CORO7: variants seen among roughly 807,000 people sequenced by gnomAD.
CORO7 encodes coronin 7.
CORO7 carries 107 observed loss-of-function variants against 126.6 expected under a neutral mutation model. The ratio of observed to expected loss-of-function variants is 0.85; its 90% confidence interval spans 0.72 to 0.99. The LOEUF is 0.99. Among genes scored for constraint, CORO7 ranks in the 50% least tolerant of loss-of-function variants. CORO7 has a pLI of 0.00. For synonymous variants in CORO7, 603 were observed against 536.8 expected, an observed-to-expected ratio of 1.12 and a Z score of -1.70; for missense variants, 1,314 against 1,255.8, an observed-to-expected ratio of 1.05 and a Z score of -0.70.
intron 9 of CORO7, among the ~76,000 whole-genome samples, chr16:4,376,336 C>CCGGGG (rs2054730019): frequency 6.6e-6 from 1 of 152,204 alleles, no homozygotes; most frequent in Non-Finnish European, 1.5e-5. Flanking sequence ...TGGCAGACTC[C>CCGGGG]CGGGGCTGGG....
rs113496899 is a variant in CORO7, at chr16:4,388,898, A to C, written c.616-267T>G. 3.3e-3 allele frequency among the ~76,000 whole-genome samples: 498 copies of C among 152,124 alleles called. 6 individuals carry two copies. The highest frequency in any genetic ancestry group is 0.011 in the African/African-American group (474 of 41,508). On this transcript the variant is annotated intron_variant, in intron 7 of 27. Transcript: ENST00000251166. ...GCTGCTCCTCCCGAGTGTCCCTCCT[A>C]CCAAGGAGAGGGCTGCCTCACTCCC... is the stretch of plus-strand genomic sequence containing the variant.
In CORO7 at chr16:4,361,265, G is replaced by C. The variant is rs2054170689; in HGVS notation, c.1688-17C>G. Reference sequence around the variant, plus strand: ...CCTCACCAGCTGCAGAGGACAGACAGGGGCTCATCATTGCTGAGCCCAAGA... The same window carrying C: ...CCTCACCAGCTGCAGAGGACAGACACGGGCTCATCATTGCTGAGCCCAAGA... On this transcript the variant is annotated splice_polypyrimidine_tract_variant and intron_variant, in intron 17 of 27. Coordinates refer to ENST00000251166, the MANE Select transcript of CORO7 (RefSeq NM_024535.5). 4.3e-6 allele frequency: 7 copies of C among 1,612,246 alleles called. No individual in the cohort carries two copies. In the East Asian group the frequency reaches 1.3e-4, roughly 31 times the overall value.
At chr16:4,357,913 T>TCC in intron 25 of CORO7, 55 bp downstream of exon 25, 2 of 1,557,762 alleles carry the variant, frequency 1.3e-6, no homozygotes, top group Non-Finnish European at 1.7e-6. Context: ...GGGCCTTCTG[T>TCC]CCCTTTCTCC....
chr16:4,405,655 G>T, intron 5 of CORO7, 88 bp from the exon 6 acceptor site: 1 of 1,497,572 alleles, frequency 6.7e-7, no homozygotes, highest in Non-Finnish European at 9.0e-7. Context: ...GGAACTCCCA[G>T]AGCAAAGGCA....
intron 26 of CORO7, chr16:4,355,578 C>G (rs937699914): frequency 3.5e-6 from 2 of 565,990 alleles, no homozygotes; most frequent in Non-Finnish European, 6.2e-6. Flanking sequence ...ACACCACTGT[C>G]CTGCCTCAGC....
intron 1 of CORO7, among the ~76,000 whole-genome samples, chr16:4,415,401 CCCCCT>C (rs1452707012): frequency 6.6e-6 from 1 of 152,140 alleles, no homozygotes; most frequent in Non-Finnish European, 1.5e-5. Context: ...CTGAGACTGG[CCCCCT>C]CCATTCTCCA....
intron 9 of CORO7, chr16:4,382,232 G>T (rs765567874): frequency 6.2e-7 from 1 of 1,606,638 alleles, no homozygotes; most frequent in Non-Finnish European, 8.5e-7. Flanking sequence ...ACACGGCCCA[G>T]CCCTACACCA....
intron 9 of CORO7, among the ~76,000 whole-genome samples, chr16:4,374,388 G>A (rs1022649016): frequency 4.6e-5 from 7 of 152,126 alleles, no homozygotes; most frequent in South Asian, 2.1e-4. Context: ...AGGCCACCTC[G>A]GTTTTGGGCA....
At chr16:4,387,785 C>T (rs556611047) in intron 9 of CORO7, 38 of 641,002 alleles carry the variant, frequency 5.9e-5, no homozygotes, top group Non-Finnish European at 9.4e-5. Context: ...AGAGGGGCAC[C>T]TGAGCACCTG....
rs775547128 is a variant in CORO7, at chr16:4,387,975, G to A, written c.785+11C>T. Reference sequence around the variant, plus strand: ...CAGCCCCCCAGCCCACCTGCGTGCCGCAGCTCCTACCCAAGCGAGGTGTCC... The same window carrying A: ...CAGCCCCCCAGCCCACCTGCGTGCCACAGCTCCTACCCAAGCGAGGTGTCC... On this transcript the variant is annotated intron_variant, in intron 9 of 27. Coordinates refer to ENST00000251166, the MANE Select transcript of CORO7 (RefSeq NM_024535.5). 8.7e-6 allele frequency: 14 copies of A among 1,612,602 alleles called. No homozygotes were observed. Among genetic ancestry groups the A allele is most frequent in the Middle Eastern group, 1.7e-4 (1 of 6,058 alleles).
chr16:4,364,216 A>T (rs1405009094), intron 14 of CORO7, 60 bp downstream of exon 14: 7 of 1,456,740 alleles, frequency 4.8e-6, no homozygotes, highest in Non-Finnish European at 6.3e-6. Flanking sequence ...CAGCCGGTGA[A>T]CACTCAGGGC....
intron 7 of CORO7, 132 bp from the exon 8 acceptor site, chr16:4,388,763 G>T: frequency 1.0e-6 from 1 of 993,040 alleles, no homozygotes; most frequent in Non-Finnish European, 1.5e-6. Context: ...GGAAGGGCTG[G>T]GTCCTTCTCC....
chr16:4,369,818 GAGTT>G (rs2054464380), intron 9 of CORO7, among the ~76,000 whole-genome samples: 1 of 152,174 alleles, frequency 6.6e-6, no homozygotes, highest in Non-Finnish European at 1.5e-5. Flanking sequence ...CCAGGCTGGA[GAGTT>G]AGTTAGGATC....
chr16:4,368,449 G>T (rs1389562727), intron 9 of CORO7, among the ~76,000 whole-genome samples: 1 of 151,658 alleles, frequency 6.6e-6, no homozygotes, highest in East Asian at 2.0e-4. Flanking sequence ...GGAGTTTGAG[G>T]CTGCAGTGAG....
At chr16:4,406,297 G>A (rs750810639) in intron 5 of CORO7, among the ~76,000 whole-genome samples, 14 of 151,420 alleles carry the variant, frequency 9.2e-5, no homozygotes, top group Non-Finnish European at 1.5e-4. Context: ...ACCGTGCCCG[G>A]CCTATTATTA....
chr16:4,369,880 C>T (rs2054467560), intron 9 of CORO7, among the ~76,000 whole-genome samples: 1 of 152,070 alleles, frequency 6.6e-6, no homozygotes, highest in Non-Finnish European at 1.5e-5. Context: ...CCGCTGTGTG[C>T]AGACTGCTGG....
chr16:4,396,224 C>G (rs1052599845), intron 6 of CORO7, among the ~76,000 whole-genome samples: 3 of 152,092 alleles, frequency 2.0e-5, no homozygotes, highest in Non-Finnish European at 4.4e-5. Flanking sequence ...GGATTACAGG[C>G]GCCCACCACC....
At chr16:4,381,963 G>C (rs1271102855) in intron 9 of CORO7, 4 of 1,608,438 alleles carry the variant, frequency 2.5e-6, no homozygotes, top group Non-Finnish European at 3.4e-6. Flanking sequence ...CCACCACGAG[G>C]CCCGTGGTGC....
At chr16:4,401,420 G>A (rs1484523946) in intron 6 of CORO7, among the ~76,000 whole-genome samples, 7 of 152,210 alleles carry the variant, frequency 4.6e-5, no homozygotes, top group Non-Finnish European at 1.0e-4. Context: ...GTTTTATGCC[G>A]CTCCTGGCAA....
Sources: gnomAD v4.1 joint callset for allele counts (sites outside exome capture counted in the v4.1 genomes callset) on GRCh38, gnomAD v4.1.1 for gene constraint, MANE v1.5 for transcripts, NCBI Gene and HGNC (gene_info 2026-07-23, HGNC 2026-07-21) for gene names.